Variants in ABI3BP observed in about 807,000 individuals in gnomAD.
The protein encoded by ABI3BP is ABI family member 3 binding protein, also known as target of Nesh-SH3.
Under a neutral mutation model 268.6 loss-of-function variants are expected in ABI3BP, and 216 were observed. The ratio of observed to expected loss-of-function variants is 0.80; its 90% CI spans 0.72 to 0.90. The LOEUF (loss-of-function observed/expected upper bound fraction) is 0.90, where lower values mean the gene tolerates loss of function less well. ABI3BP is among the 40% of genes least tolerant of loss of function. The pLI is 0.00. For synonymous variants in ABI3BP, 730 were observed against 730.0 expected (o/e 1.00, Z 0.00); for missense variants, 2,090 against 2,182.4 (o/e 0.96, Z 0.84).
Position 100,833,228 on chromosome 3 carries a change from T to C in ABI3BP, c.2282-71A>G. On this transcript the variant is annotated intron_variant, in intron 29 of 67. Coordinates refer to ENST00000471714, the MANE Select transcript of ABI3BP (RefSeq NM_001375547.2). ...TTAAACACACGAGAAAAGCCATCAT[T>C]CTCTTGAAAAGTGAACTTTACCATT... 4.3e-6 allele frequency: 6 copies of C among 1,408,024 alleles called. No homozygotes were observed. The South Asian group carries it at 7.6e-5, about 18-fold the overall frequency. The allele number at this position is 1,408,024 out of a possible 1,614,324, so 87.2% of individuals were successfully genotyped here. A position where few individuals can be genotyped will look rare whatever the true frequency, so the allele number is the denominator to read the frequency against.
intron 1 of ABI3BP, among the ~76,000 whole-genome samples, chr3:100,953,644 CCAGA>C (rs2075869957): frequency 6.6e-6 from 1 of 151,982 alleles, no homozygotes; most frequent in Admixed American, 6.6e-5. Flanking sequence ...AAAGAGATTA[CCAGA>C]CAGAGAGACG....
At chr3:100,786,151 G>A (rs1847391) in intron 57 of ABI3BP, among the ~76,000 whole-genome samples, 44,119 of 151,946 alleles carry the variant, frequency 0.29, 6,983 homozygotes, top group East Asian at 0.64. Flanking sequence ...CTTGACAGGG[G>A]ATCCCAATCA....
At position 100,765,958 on chromosome 3, in the gene ABI3BP, C is replaced by T. The variant is rs559921709; in HGVS notation, c.4742-9G>A. The stretch of plus-strand genomic sequence containing the variant: ...GGATATAACTTCATATTCTGTAAAG[C>T]GAAAGAAGCCAACAGATACTTGTTT... On this transcript the variant is annotated splice_polypyrimidine_tract_variant and intron_variant, in intron 62 of 67. Transcript: ENST00000471714. 9.5e-6 allele frequency: 15 copies of T among 1,582,526 alleles called. No homozygotes were observed. Among genetic ancestry groups the T allele is most frequent in the South Asian group, 4.5e-5 (4 of 88,800 alleles).
intron 1 of ABI3BP, among the ~76,000 whole-genome samples, chr3:100,976,653 T>G (rs193290474): frequency 3.3e-4 from 51 of 152,316 alleles, no homozygotes; most frequent in Admixed American, 9.2e-4. Flanking sequence ...GAGATACAAT[T>G]ACATGAGAAT....
In ABI3BP at chr3:100,840,835, G is replaced by A. The variant is rs1393322994; in HGVS notation, c.1789C>T (p.Pro597Ser). The A allele has an allele frequency of 7.2e-6, 11 of 1,535,362 alleles. No individual in the cohort carries two copies. Among genetic ancestry groups the A allele is most frequent in the Non-Finnish European group, 9.6e-6 (11 of 1,146,356 alleles). The change falls in exon 22 of 68, where the codon CCT (proline) becomes TCT (serine). Residue 597 changes from proline (P) to serine (S), a missense_variant. By Grantham distance (74) the Pro-to-Ser change is moderately conservative (BLOSUM62 -1). Coordinates refer to ENST00000471714, the MANE Select transcript of ABI3BP (RefSeq NM_001375547.2). The part of the protein sequence containing the change: ...TIGPETPGTK[P>S]STTLAPRKTK... ...ACTCTATTACCTAATGTTGTTGAAGGTTTGGTTCCTGGTGTTTCAGGTCCT... is the reference window on the plus strand; with the variant it reads ...ACTCTATTACCTAATGTTGTTGAAGATTTGGTTCCTGGTGTTTCAGGTCCT...
At chr3:100,830,880 A>G (rs988461130) in intron 31 of ABI3BP, among the ~76,000 whole-genome samples, 6 of 152,182 alleles carry the variant, frequency 3.9e-5, no homozygotes, top group Non-Finnish European at 8.8e-5. Flanking sequence ...ACTGAGGTCA[A>G]TAGTAAGATC....
At chr3:100,856,613 C>T (rs2098942832) in intron 14 of ABI3BP, among the ~76,000 whole-genome samples, 1 of 152,160 alleles carries the variant, frequency 6.6e-6, no homozygotes, top group African/African-American at 2.4e-5. Flanking sequence ...AGGATGAAAA[C>T]AAACACTTCA....
chr3:100,870,266 C>T (rs976430874), intron 9 of ABI3BP, among the ~76,000 whole-genome samples: 2 of 152,122 alleles, frequency 1.3e-5, no homozygotes, highest in African/African-American at 4.8e-5. Context: ...TTGCAAACCA[C>T]ATGTATCTGA....
chr3:100,955,644 T>A (rs533159201), intron 1 of ABI3BP, among the ~76,000 whole-genome samples: 1 of 152,282 alleles, frequency 6.6e-6, no homozygotes, highest in South Asian at 2.1e-4. Context: ...TAACAATACT[T>A]TACACGTGGA....
At chr3:100,884,284 G>A (rs2040833658) in intron 6 of ABI3BP, among the ~76,000 whole-genome samples, 1 of 151,318 alleles carries the variant, frequency 6.6e-6, no homozygotes. Flanking sequence ...AAAAAAGAGA[G>A]CGAGAAAAAA....
At chr3:100,980,250 G>A (rs1184471109) in intron 1 of ABI3BP, among the ~76,000 whole-genome samples, 1 of 151,048 alleles carries the variant, frequency 6.6e-6, no homozygotes, top group African/African-American at 2.4e-5. Flanking sequence ...TCTTTTTTTT[G>A]AGATGGAGTC....
rs559297681 is a variant in ABI3BP, at chr3:100,830,110, C to CATATAT, written c.2459-452_2459-447dup. On this transcript the variant is annotated intron_variant, in intron 32 of 67. Coordinates refer to ENST00000471714, the MANE Select transcript of ABI3BP (RefSeq NM_001375547.2). ...ATACATATACATACATACATACATACATATATATATATATATATATATATA... is the reference window on the plus strand; with the variant it reads ...ATACATATACATACATACATACATACATATATATATATATATATATATATATATATA... Among the ~76,000 whole-genome samples the CATATAT allele has an allele frequency of 4.4e-3, 197 of 44,470 alleles. 4 individuals are homozygous for CATATAT. The highest frequency in any genetic ancestry group is 6.6e-3 in the Non-Finnish European group (152 of 23,086). The allele number at this position is 44,470 out of a possible 152,430, so 29.2% of individuals were successfully genotyped here. A position where few individuals can be genotyped will look rare whatever the true frequency, so the allele number is the denominator to read the frequency against.
chr3:100,852,021 G>A (rs1020432771), intron 14 of ABI3BP, 81 bp from the exon 15 acceptor site: 27 of 1,258,766 alleles, frequency 2.1e-5, no homozygotes, highest in Admixed American at 4.7e-5. Context: ...TACATGACAT[G>A]TTGTAATGCT....
At chr3:100,915,415 G>A (rs1006326294) in intron 2 of ABI3BP, among the ~76,000 whole-genome samples, 5 of 152,182 alleles carry the variant, frequency 3.3e-5, no homozygotes, top group Non-Finnish European at 5.9e-5. Flanking sequence ...GAGGACTGCT[G>A]CCGCCATGCC....
At chr3:100,979,099 C>G (rs774933670) in intron 1 of ABI3BP, among the ~76,000 whole-genome samples, 1 of 152,202 alleles carries the variant, frequency 6.6e-6, no homozygotes, top group African/African-American at 2.4e-5. Flanking sequence ...GAGTCAGAAA[C>G]TCTGGGGATG....
chr3:100,876,581 T>C, intron 6 of ABI3BP, 21 bp from the exon 7 acceptor site: 2 of 1,610,108 alleles, frequency 1.2e-6, no homozygotes, highest in Non-Finnish European at 1.7e-6. Context: ...AAGAAGAAAG[T>C]CAACTTTTGA....
chr3:100,822,562 T>C, intron 38 of ABI3BP, 27 bp downstream of exon 38: 1 of 1,531,418 alleles, frequency 6.5e-7, no homozygotes, highest in East Asian at 2.4e-5. Context: ...CTGCAGGGAC[T>C]CTTTAAACCA....
chr3:100,850,984 C>T (rs191538944), intron 15 of ABI3BP, among the ~76,000 whole-genome samples: 10 of 152,310 alleles, frequency 6.6e-5, no homozygotes, highest in East Asian at 5.8e-4. Flanking sequence ...GTTTTCAACA[C>T]GTTTTTCTGG....
chr3:100,851,546 G>T (rs992978325), intron 15 of ABI3BP, among the ~76,000 whole-genome samples: 1 of 152,162 alleles, frequency 6.6e-6, no homozygotes, highest in Admixed American at 6.6e-5. Context: ...CCCCATTTGA[G>T]AACTACTGCT....
Sources: allele counts gnomAD v4.1 joint callset (sites outside exome capture counted in the v4.1 genomes callset), GRCh38; gene constraint gnomAD v4.1.1; transcripts MANE v1.5; gene names NCBI Gene and HGNC (gene_info 2026-07-23, HGNC 2026-07-21).